Variants in NLGN4X observed in about 807,000 individuals in gnomAD.
The protein encoded by NLGN4X is neuroligin-4, X-linked.
Under a neutral mutation model 40.3 loss-of-function variants are expected in NLGN4X, and 3 were observed. The ratio of observed to expected loss-of-function variants is 0.07; its 90% CI spans 0.03 to 0.19. The LOEUF is 0.19. Among genes scored for constraint, NLGN4X ranks in the 10% least tolerant of loss-of-function variants. NLGN4X has a pLI of 1.00. For missense variants in NLGN4X, 382 were observed against 708.3 expected (o/e 0.54, Z 5.23); for synonymous variants, 270 against 306.8 (o/e 0.88, Z 1.25).
intron 1 of NLGN4X, among the ~76,000 whole-genome samples, chrX:6,161,576 A>G (rs2040400958): frequency 9.4e-6 from 1 of 106,545 alleles, no homozygotes; most frequent in African/African-American, 3.4e-5. Context: ...CTTTATATAT[A>G]TAAAACATAG....
intron 2 of NLGN4X, among the ~76,000 whole-genome samples, chrX:6,119,744 T>C (rs1472686546): frequency 9.0e-6 from 1 of 111,394 alleles, no homozygotes; most frequent in Non-Finnish European, 1.9e-5. Context: ...TTACAACTTT[T>C]AAAGATGTCC....
intron 3 of NLGN4X, among the ~76,000 whole-genome samples, chrX:5,910,742 G>A (rs2032438099): frequency 9.0e-6 from 1 of 111,467 alleles, no homozygotes; most frequent in Non-Finnish European, 1.9e-5. Context: ...AAAGTCACAG[G>A]ACGATTTTCG....
rs144471781 is a variant in NLGN4X at position 6,015,029 on chromosome X, C to A, written c.625+14251G>T. Among the ~76,000 whole-genome samples, 246 of 111,989 alleles carry A rather than the reference C, an allele frequency of 2.2e-3. 1 individual carries two copies. The highest frequency in any genetic ancestry group is 5.9e-3 in the African/African-American group (181 of 30,849). ...GCCTTATCTGTGAAACTTTCCATAACCACCTTAGTCAAAATTTTGGCACAA... is the reference window on the plus strand; with the variant it reads ...GCCTTATCTGTGAAACTTTCCATAAACACCTTAGTCAAAATTTTGGCACAA... On this transcript the variant is annotated intron_variant, in intron 3 of 5. Transcript: ENST00000381095.
At chrX:5,925,913 T>A (rs1428508293) in intron 3 of NLGN4X, among the ~76,000 whole-genome samples, 2 of 43,867 alleles carry the variant, frequency 4.6e-5, no homozygotes, top group African/African-American at 2.5e-4. Flanking sequence ...TATATATATA[T>A]ATATATATAT....
chrX:5,931,807 C>T (rs1272913464), intron 3 of NLGN4X, among the ~76,000 whole-genome samples: 1 of 111,299 alleles, frequency 9.0e-6, no homozygotes, highest in African/African-American at 3.3e-5. Flanking sequence ...TAAGCCATCC[C>T]GAGGAGATTA....
chrX:5,914,336 G>A (rs2032663273), intron 3 of NLGN4X, among the ~76,000 whole-genome samples: 1 of 111,585 alleles, frequency 9.0e-6, no homozygotes, highest in African/African-American at 3.3e-5. Context: ...GAGAATGACT[G>A]CAGGTCTTTT....
intron 2 of NLGN4X, among the ~76,000 whole-genome samples, chrX:6,062,531 T>G (rs756366095): frequency 4.5e-5 from 5 of 111,787 alleles, no homozygotes; most frequent in African/African-American, 1.6e-4. Flanking sequence ...CCTGCCATTC[T>G]GATGGCATAC....
intron 1 of NLGN4X, among the ~76,000 whole-genome samples, chrX:6,157,384 A>T (rs2147726035): frequency 8.9e-6 from 1 of 112,148 alleles, no homozygotes; most frequent in South Asian, 3.7e-4. Flanking sequence ...GATATTCCAC[A>T]GATAGGAAAG....
intron 2 of NLGN4X, among the ~76,000 whole-genome samples, chrX:6,037,959 T>A (rs1174925222): frequency 8.9e-6 from 1 of 111,786 alleles, no homozygotes; most frequent in Non-Finnish European, 1.9e-5. Context: ...CAGAAGCCAA[T>A]TCCTTCTACA....
chrX:5,899,350 G>A (rs1315259170), intron 5 of NLGN4X, among the ~76,000 whole-genome samples: 1 of 111,601 alleles, frequency 9.0e-6, no homozygotes, highest in Non-Finnish European at 1.9e-5. Context: ...GCATCAGAGC[G>A]TCTCTCCAAG....
chrX:6,154,331 C>T (rs2040219803), intron 1 of NLGN4X, among the ~76,000 whole-genome samples: 1 of 111,462 alleles, frequency 9.0e-6, no homozygotes, highest in African/African-American at 3.3e-5. Context: ...TTAGTGCTGT[C>T]GTGTATGTGT....
chrX:6,148,391 C>T (rs1296371292), intron 2 of NLGN4X, among the ~76,000 whole-genome samples: 2 of 112,144 alleles, frequency 1.8e-5, no homozygotes, highest in Non-Finnish European at 3.8e-5. Context: ...TGAGATACTC[C>T]CTAAGAGAAG....
chrX:6,008,526 A>G (rs2036162504), intron 3 of NLGN4X, among the ~76,000 whole-genome samples: 1 of 111,804 alleles, frequency 8.9e-6, no homozygotes, highest in Non-Finnish European at 1.9e-5. Flanking sequence ...GAATACATAG[A>G]GATGGGTTTT....
At chrX:5,938,875 G>A (rs775975281) in intron 3 of NLGN4X, among the ~76,000 whole-genome samples, 6 of 111,203 alleles carry the variant, frequency 5.4e-5, no homozygotes, top group African/African-American at 9.8e-5. Flanking sequence ...CTTCAATGTG[G>A]CACAGGGATA....
intron 1 of NLGN4X, among the ~76,000 whole-genome samples, chrX:6,194,576 A>T (rs1177675398): frequency 8.9e-6 from 1 of 111,977 alleles, no homozygotes; most frequent in East Asian, 2.8e-4. Flanking sequence ...AAAGTAGATA[A>T]GGCCTTTGGG....
chrX:6,214,512 A>T (rs1924895271), intron 1 of NLGN4X, among the ~76,000 whole-genome samples: 2 of 111,487 alleles, frequency 1.8e-5, no homozygotes, highest in Admixed American at 9.5e-5. Context: ...TTTGACTCTT[A>T]ATCTAATGAA....
chrX:5,973,203 A>C (rs1039000099), intron 3 of NLGN4X, among the ~76,000 whole-genome samples: 1 of 112,469 alleles, frequency 8.9e-6, no homozygotes, highest in African/African-American at 3.2e-5. Flanking sequence ...TGATCCAGGA[A>C]GCAAACCTGG....
chrX:5,931,720 T>C (rs1296370177), intron 3 of NLGN4X, among the ~76,000 whole-genome samples: 2 of 111,272 alleles, frequency 1.8e-5, no homozygotes, highest in African/African-American at 6.5e-5. Context: ...GAAATCTACT[T>C]TTGAAAAACT....
In NLGN4X at chrX:5,981,040, T is replaced by C. The variant is rs146331749; in HGVS notation, c.625+48240A>G. On this transcript the variant is annotated intron_variant, in intron 3 of 5. Coordinates refer to ENST00000381095, the MANE Select transcript of NLGN4X (RefSeq NM_181332.3). ...GTATCTTCTCAGGAGGGTGTTGTGT[T>C]TGTGAACACAGTCTGTCTCCCAGTT... Among the ~76,000 whole-genome samples the C allele has an allele frequency of 7.0e-3, 785 of 111,587 alleles. 8 individuals carry two copies. Among genetic ancestry groups the C allele is most frequent in the African/African-American group, 0.024 (735 of 30,705 alleles).
Sources: allele counts gnomAD v4.1 joint callset (sites outside exome capture counted in the v4.1 genomes callset), GRCh38; gene constraint gnomAD v4.1.1; transcripts MANE v1.5; gene names NCBI Gene and HGNC (gene_info 2026-07-23, HGNC 2026-07-21).